The following PCSK7 variants were observed in gnomAD, a reference collection of about 807,000 sequenced individuals.
The protein encoded by PCSK7 is proprotein convertase subtilisin/kexin type 7.
Under a neutral mutation model 73.3 loss-of-function variants are expected in PCSK7, and 38 were observed. The ratio of observed to expected loss-of-function variants is 0.52; its 90% CI spans 0.40 to 0.68. The LOEUF (loss-of-function observed/expected upper bound fraction) is 0.68. PCSK7 is among the 30% of genes least tolerant of loss of function. PCSK7 has a pLI of 0.00. For synonymous variants in PCSK7, 296 were observed against 383.8 expected (o/e 0.77, Z 2.68); for missense variants, 692 against 991.5 (o/e 0.70, Z 4.06).
chr11:117,230,040 C>G, intron 2 of PCSK7, 184 bp from the exon 3 acceptor site: 1 of 547,160 alleles, frequency 1.8e-6, no homozygotes, highest in Non-Finnish European at 3.2e-6. Context: ...GGATAAGCCC[C>G]CAGGTGGAGT....
At chr11:117,213,950 CTTTTTCTTTTTTTTTT>C (rs1190001075) in intron 12 of PCSK7, 1 of 120,768 alleles carries the variant, frequency 8.3e-6, no homozygotes, top group African/African-American at 3.3e-5. Flanking sequence ...CTTTTCTTTT[CTTTTTCTTTTTTTTTT>C]TTTTTTTTTT....
At position 117,224,737 on chromosome 11, in the gene PCSK7, A is replaced by G. The variant is rs373882807; in HGVS notation, c.879T>C (p.Asp293=). 5 of 1,613,618 alleles carry G rather than the reference A, an allele frequency of 3.1e-6. No homozygotes were observed. The highest frequency in any genetic ancestry group is 4.2e-6 in the Non-Finnish European group (5 of 1,179,644). Reference sequence around the variant, plus strand: ...GATGGGGGCCATCCACTGTCTTCCCATCGTCATCTGGTCCCCAGCTGTTGA... The same window carrying G: ...GATGGGGGCCATCCACTGTCTTCCCGTCGTCATCTGGTCCCCAGCTGTTGA... ...IYSCSWGPDD[D]GKTVDGPHQL... Residue 293 remains aspartate, a synonymous_variant, in exon 7 of 17, where the codon GAT becomes GAC. Transcript: ENST00000320934.
At chr11:117,226,388 G>A (rs2032430205) in intron 5 of PCSK7, 2 of 251,816 alleles carry the variant, frequency 7.9e-6, no homozygotes, top group Non-Finnish European at 1.6e-5. Flanking sequence ...TGCCTGCCTT[G>A]GCCTCCCAAA....
chr11:117,223,138 C>T (rs960967896), intron 9 of PCSK7, 70 bp downstream of exon 9: 11 of 905,462 alleles, frequency 1.2e-5, no homozygotes, highest in South Asian at 2.6e-5. Context: ...CAGTGAGAAG[C>T]GCTGTGATGT....
intron 12 of PCSK7, chr11:117,215,364 T>TTGTGTGTGTGTGTGTGTGTG (rs778828914): frequency 8.2e-5 from 7 of 84,900 alleles, no homozygotes; most frequent in East Asian, 8.7e-4. Context: ...CCTGGCTAAT[T>TTGTGTGTGTGTGTGTGTGTG]TGTGTGTGTG....
At chr11:117,210,112 A>G (rs147702550) in intron 12 of PCSK7, 1 of 152,328 alleles carries the variant, frequency 6.6e-6, no homozygotes, top group Non-Finnish European at 1.5e-5. Context: ...TATTGACAGC[A>G]TGTGTATCTG....
At chr11:117,217,841 C>T (rs978420327) in intron 12 of PCSK7, 7 of 152,266 alleles carry the variant, frequency 4.6e-5, no homozygotes, top group Non-Finnish European at 7.3e-5. Context: ...CAGCTGCACT[C>T]TCCTCTAGGG....
chr11:117,230,094 C>T, intron 2 of PCSK7: 1 of 466,682 alleles, frequency 2.1e-6, no homozygotes. Context: ...CACAGCAAGA[C>T]AGCCAATCCT....
intron 6 of PCSK7, chr11:117,225,117 A>C (rs2032369244): frequency 1.2e-5 from 2 of 167,952 alleles, no homozygotes; most frequent in African/African-American, 5.1e-5. Context: ...GCTGAAGTGC[A>C]ATGGCGCGAT....
At chr11:117,229,942 G>A (rs2032581062) in intron 2 of PCSK7, 86 bp from the exon 3 acceptor site, 2 of 760,380 alleles carry the variant, frequency 2.6e-6, no homozygotes, top group Non-Finnish European at 4.2e-6. Flanking sequence ...CCATCCATGT[G>A]TTCCCCCTGG....
chr11:117,215,134 C>T (rs1363784395), intron 12 of PCSK7: 1 of 152,120 alleles, frequency 6.6e-6, no homozygotes, highest in Non-Finnish European at 1.5e-5. Flanking sequence ...CTTAGCCACA[C>T]ATGGCTATCT....
chr11:117,223,418 T>G (rs972477096), intron 8 of PCSK7, 110 bp from the exon 9 acceptor site: 2 of 719,456 alleles, frequency 2.8e-6, no homozygotes, highest in African/African-American at 3.4e-5. Flanking sequence ...TGTCCTGAGT[T>G]TGAAACATGA....
chr11:117,227,067 A>T (rs2032457795), intron 5 of PCSK7, 90 bp downstream of exon 5: 1 of 1,056,892 alleles, frequency 9.5e-7, no homozygotes, highest in Non-Finnish European at 1.4e-6. Flanking sequence ...GCTATGGGAT[A>T]AAGATGTTTC....
At chr11:117,219,538 C>A in intron 10 of PCSK7, 53 bp downstream of exon 10, 1 of 1,556,600 alleles carries the variant, frequency 6.4e-7, no homozygotes, top group South Asian at 1.2e-5. Flanking sequence ...ACCTGATACC[C>A]GAACTCTGGA....
intron 12 of PCSK7, chr11:117,213,823 A>G (rs1208688206): frequency 6.6e-6 from 1 of 152,164 alleles, no homozygotes; most frequent in Admixed American, 6.5e-5. Flanking sequence ...AACGCTGCGA[A>G]CAGTGATTGG....
At position 117,205,702 on chromosome 11, in the gene PCSK7, G is replaced by C. The variant is rs2031328981; in HGVS notation, c.*295C>G. 6.3e-6 allele frequency: 2 copies of C among 318,172 alleles called. No individual in the cohort carries two copies. The highest frequency in any genetic ancestry group is 1.1e-5 in the Non-Finnish European group (2 of 174,812). The allele number at this position is 318,172 out of a possible 1,614,324, so 19.7% of individuals were successfully genotyped here. A position where few individuals can be genotyped will look rare whatever the true frequency, so the allele number is the denominator to read the frequency against. On this transcript the variant is annotated 3_prime_UTR_variant, in exon 17 of 17. Transcript: ENST00000320934. ...CCCCCATGCTTGGGGGACCTAGGCA[G>C]CTGGCTTGGCCCAAGAGAGATGAGG...
intron 12 of PCSK7, chr11:117,212,901 AG>A (rs1324359395): frequency 6.6e-6 from 1 of 151,960 alleles, no homozygotes; most frequent in East Asian, 1.9e-4. Flanking sequence ...TTTTTTGTAG[AG>A]ACAAGGTTTT....
At chr11:117,213,052 G>A (rs926876457) in intron 12 of PCSK7, 6 of 152,236 alleles carry the variant, frequency 3.9e-5, no homozygotes, top group African/African-American at 1.4e-4. Flanking sequence ...TTCTTCCTTA[G>A]TGGCAGGAGA....
In PCSK7 at chr11:117,205,046, G is replaced by A. The variant is rs925720355; in HGVS notation, c.*951C>T. 1 of 211,392 alleles carries A rather than the reference G, an allele frequency of 4.7e-6. No homozygotes were observed. Among genetic ancestry groups the A allele is most frequent in the African/African-American group, 2.3e-5 (1 of 44,074 alleles). The allele number at this position is 211,392 out of a possible 1,614,324, so 13.1% of individuals were successfully genotyped here. A position where few individuals can be genotyped will look rare whatever the true frequency, so the allele number is the denominator to read the frequency against. On this transcript the variant is annotated 3_prime_UTR_variant, in exon 17 of 17. Coordinates refer to ENST00000320934, the MANE Select transcript of PCSK7 (RefSeq NM_004716.4). The stretch of plus-strand genomic sequence containing the variant: ...ATGCAGTGGCTTTGGGGAGACAGAG[G>A]AAAGGAGAGATTGCGAGTGGCAGAA...
Sources: allele counts gnomAD v4.1 joint callset, GRCh38; gene constraint gnomAD v4.1.1; transcripts MANE v1.5; gene names NCBI Gene and HGNC (gene_info 2026-07-23, HGNC 2026-07-21).